LRBA: variants seen among roughly 807,000 people sequenced by gnomAD.
The protein encoded by LRBA is lipopolysaccharide-responsive and beige-like anchor protein.
Under a neutral mutation model 330.0 loss-of-function variants are expected in LRBA, and 176 were observed. The ratio of observed to expected loss-of-function variants is 0.53; its 90% CI spans 0.47 to 0.60. The LOEUF is 0.60. LRBA is among the 20% of genes least tolerant of loss of function. The pLI, the probability that LRBA is intolerant of heterozygous loss-of-function variation, is 0.00. For missense variants in LRBA, 3,259 were observed against 3,444.8 expected (o/e 0.95, Z 1.35); for synonymous variants, 1,230 against 1,193.0 (o/e 1.03, Z -0.64).
At chr4:150,491,394 A>G (rs1758919077) in intron 40 of LRBA, among the ~76,000 whole-genome samples, 1 of 152,090 alleles carries the variant, frequency 6.6e-6, no homozygotes, top group African/African-American at 2.4e-5. Flanking sequence ...AAAAGCCCTC[A>G]AAAGAATGTC....
At chr4:150,380,479 C>T (rs1742042331) in intron 47 of LRBA, among the ~76,000 whole-genome samples, 1 of 151,950 alleles carries the variant, frequency 6.6e-6, no homozygotes, top group East Asian at 1.9e-4. Flanking sequence ...CCAGAAACCA[C>T]CAGAACCAAT....
chr4:150,559,714 T>A (rs1364117651), intron 40 of LRBA, among the ~76,000 whole-genome samples: 52 of 89,706 alleles, frequency 5.8e-4, no homozygotes, highest in Non-Finnish European at 9.2e-4. Context: ...TATATAATAT[T>A]ATAGATTATA....
intron 37 of LRBA, among the ~76,000 whole-genome samples, chr4:150,637,399 C>T (rs35552288): frequency 0.019 from 2,967 of 152,168 alleles, 57 homozygotes; most frequent in Non-Finnish European, 0.028. Context: ...AACATTGTTT[C>T]GGCTGTTGTG....
intron 11 of LRBA, among the ~76,000 whole-genome samples, chr4:150,908,124 TTG>T (rs1365083097): frequency 6.6e-6 from 1 of 152,202 alleles, no homozygotes; most frequent in African/African-American, 2.4e-5. Context: ...AACCAATTTA[TTG>T]TGTTTCTTAC....
chr4:150,976,094 G>A (rs776007388), intron 2 of LRBA, among the ~76,000 whole-genome samples: 11 of 148,438 alleles, frequency 7.4e-5, no homozygotes, highest in Non-Finnish European at 1.6e-4. Flanking sequence ...AGAATCGTCT[G>A]AACCTGGGAG....
intron 35 of LRBA, among the ~76,000 whole-genome samples, chr4:150,755,440 A>G (rs1464722051): frequency 6.6e-6 from 1 of 152,210 alleles, no homozygotes; most frequent in Non-Finnish European, 1.5e-5. Context: ...ATCTAAAAGT[A>G]AAGTTGTAAG....
intron 23 of LRBA, 127 bp downstream of exon 23, chr4:150,851,758 C>T: frequency 1.1e-6 from 1 of 925,502 alleles, no homozygotes. Context: ...TCTTCACATT[C>T]ATTGCATTTA....
At chr4:150,397,049 C>T (rs1302786976) in intron 47 of LRBA, among the ~76,000 whole-genome samples, 1 of 152,116 alleles carries the variant, frequency 6.6e-6, no homozygotes, top group Non-Finnish European at 1.5e-5. Context: ...AACACTGACG[C>T]TTTAAGACAC....
intron 47 of LRBA, among the ~76,000 whole-genome samples, chr4:150,367,726 A>G (rs1418994295): frequency 1.3e-5 from 2 of 152,216 alleles, no homozygotes; most frequent in African/African-American, 4.8e-5. Context: ...TAGAATCAAA[A>G]TGAAGTAATT....
intron 14 of LRBA, among the ~76,000 whole-genome samples, chr4:150,899,787 A>G (rs929644597): frequency 6.6e-6 from 1 of 152,168 alleles, no homozygotes; most frequent in Non-Finnish European, 1.5e-5. Context: ...GTCTTACAAC[A>G]ACCATCCTAG....
In LRBA at chr4:150,970,435, G is replaced by C. The variant is rs201559649; in HGVS notation, c.217-41370C>G. Among the ~76,000 whole-genome samples, 11 of 151,908 alleles carry C rather than the reference G, an allele frequency of 7.2e-5. No homozygotes were observed. In the East Asian group the frequency reaches 1.9e-3, roughly 27 times the overall value. On this transcript the variant is annotated intron_variant, in intron 2 of 56. Coordinates refer to ENST00000651943, the MANE Select transcript of LRBA (RefSeq NM_001364905.1). Reference sequence around the variant, plus strand: ...GGATCGCTTAAGCCCAAGAGGTTGAGGCTGCAGTAAGCCTTGATCACACTA... The same window carrying C: ...GGATCGCTTAAGCCCAAGAGGTTGACGCTGCAGTAAGCCTTGATCACACTA...
intron 41 of LRBA, among the ~76,000 whole-genome samples, chr4:150,488,035 A>C (rs965363208): frequency 1.3e-5 from 2 of 151,646 alleles, no homozygotes; most frequent in Non-Finnish European, 3.0e-5. Context: ...AAATTCTTTT[A>C]CCATAGACAG....
At chr4:150,815,656 T>C (rs989057688) in intron 31 of LRBA, among the ~76,000 whole-genome samples, 1 of 151,922 alleles carries the variant, frequency 6.6e-6, no homozygotes, top group Non-Finnish European at 1.5e-5. Flanking sequence ...CTAATCACTA[T>C]TTTTCCTAAG....
chr4:150,980,674 A>C (rs934825423), intron 2 of LRBA, among the ~76,000 whole-genome samples: 1 of 152,132 alleles, frequency 6.6e-6, no homozygotes, highest in Non-Finnish European at 1.5e-5. Context: ...GGGGAATCCA[A>C]ATTGGAAAGG....
intron 40 of LRBA, among the ~76,000 whole-genome samples, chr4:150,513,948 CT>C (rs1762083971): frequency 6.6e-6 from 1 of 152,212 alleles, no homozygotes; most frequent in Non-Finnish European, 1.5e-5. Flanking sequence ...GATGCTTACT[CT>C]GCTTGTGCTG....
chr4:150,950,318 A>G (rs1322635639), intron 2 of LRBA, among the ~76,000 whole-genome samples: 1 of 152,184 alleles, frequency 6.6e-6, no homozygotes, highest in Non-Finnish European at 1.5e-5. Context: ...GCAAAATGTC[A>G]TGAATTTCAT....
chr4:151,012,163 T>C (rs528144965), intron 2 of LRBA, among the ~76,000 whole-genome samples: 4 of 152,228 alleles, frequency 2.6e-5, no homozygotes, highest in South Asian at 4.1e-4. Flanking sequence ...TCTCCTTCTA[T>C]CCAGGCACCT....
chr4:150,394,052 ATTATT>A (rs1744375896), intron 47 of LRBA, among the ~76,000 whole-genome samples: 1 of 152,206 alleles, frequency 6.6e-6, no homozygotes, highest in African/African-American at 2.4e-5. Flanking sequence ...GTTACCAATC[ATTATT>A]TTATGTTACC....
intron 33 of LRBA, among the ~76,000 whole-genome samples, chr4:150,799,715 T>C (rs1214449355): frequency 6.6e-6 from 1 of 152,184 alleles, no homozygotes; most frequent in Non-Finnish European, 1.5e-5. Flanking sequence ...TTTGTCCCTC[T>C]TACCACACTT....
Sources: gnomAD v4.1 joint callset for allele counts (sites outside exome capture counted in the v4.1 genomes callset) on GRCh38, gnomAD v4.1.1 for gene constraint, MANE v1.5 for transcripts, NCBI Gene and HGNC (gene_info 2026-07-23, HGNC 2026-07-21) for gene names.